The following UTRN variants were observed in gnomAD, a reference collection of about 807,000 sequenced individuals.
UTRN encodes the protein utrophin.
UTRN carries 283 observed loss-of-function variants against 463.9 expected under a neutral mutation model. The observed-to-expected ratio is 0.61, with a 90% CI of 0.55 to 0.67. The LOEUF is 0.67. UTRN is among the 30% of genes least tolerant of loss of function. UTRN has a pLI of 0.00. For synonymous variants in UTRN, 1,442 were observed against 1,431.5 expected (o/e 1.01, Z -0.17); for missense variants, 3,922 against 4,084.3 (o/e 0.96, Z 1.08).
chr6:144,415,004 G>A (rs561122503), intron 3 of UTRN, among the ~76,000 whole-genome samples: 3 of 152,312 alleles, frequency 2.0e-5, no homozygotes, highest in East Asian at 3.9e-4. Flanking sequence ...ATGAGCCACT[G>A]TATCCAGCCT....
intron 2 of UTRN, among the ~76,000 whole-genome samples, chr6:144,381,135 T>C (rs1780875916): frequency 6.6e-6 from 1 of 152,166 alleles, no homozygotes; most frequent in African/African-American, 2.4e-5. Flanking sequence ...TTAAGCCTAG[T>C]ATCCATTAGT....
intron 52 of UTRN, among the ~76,000 whole-genome samples, chr6:144,684,924 G>GAATT: frequency 6.6e-6 from 1 of 152,292 alleles, no homozygotes; most frequent in Non-Finnish European, 1.5e-5. Context: ...TTACAAGGAT[G>GAATT]AATTGTATAG....
chr6:144,816,417 G>A (rs1248994156), intron 65 of UTRN, among the ~76,000 whole-genome samples: 2 of 152,046 alleles, frequency 1.3e-5, no homozygotes, highest in Non-Finnish European at 1.5e-5. Flanking sequence ...GCCTGGAAGC[G>A]GCTTCTCGAA....
chr6:144,701,041 G>A (rs1444009987), intron 53 of UTRN, among the ~76,000 whole-genome samples: 1 of 152,106 alleles, frequency 6.6e-6, no homozygotes, highest in Non-Finnish European at 1.5e-5. Flanking sequence ...CAAGTAGCTG[G>A]GACTACAGGC....
chr6:144,344,979 G>T (rs1020917680), intron 2 of UTRN, among the ~76,000 whole-genome samples: 1 of 152,196 alleles, frequency 6.6e-6, no homozygotes, highest in East Asian at 1.9e-4. Context: ...GTATACATGT[G>T]TGTACTGGTT....
At chr6:144,339,061 A>G (rs1172272513) in intron 2 of UTRN, among the ~76,000 whole-genome samples, 1 of 152,224 alleles carries the variant, frequency 6.6e-6, no homozygotes, top group African/African-American at 2.4e-5. Flanking sequence ...CTTGTGCTAT[A>G]TAACTTTTCT....
chr6:144,689,917 G>A (rs1783146832), intron 52 of UTRN, among the ~76,000 whole-genome samples: 1 of 151,748 alleles, frequency 6.6e-6, no homozygotes, highest in Admixed American at 6.6e-5. Flanking sequence ...TGCTATCATG[G>A]AGTGAGTCAG....
intron 65 of UTRN, among the ~76,000 whole-genome samples, chr6:144,820,120 A>C (rs541644620): frequency 2.2e-3 from 337 of 151,844 alleles, no homozygotes; most frequent in African/African-American, 7.7e-3. Context: ...ATACAGTAGA[A>C]AACTGGGGCT....
intron 2 of UTRN, among the ~76,000 whole-genome samples, chr6:144,389,900 T>C (rs956322526): frequency 2.6e-5 from 4 of 152,094 alleles, no homozygotes; most frequent in Non-Finnish European, 5.9e-5. Flanking sequence ...TGCCCAGCCT[T>C]TCCTTCATTA....
chr6:144,617,038 C>T (rs1468387269), intron 51 of UTRN, among the ~76,000 whole-genome samples: 2 of 152,084 alleles, frequency 1.3e-5, no homozygotes, highest in Non-Finnish European at 2.9e-5. Flanking sequence ...GATTTTCAAG[C>T]AGAACTTGTG....
At chr6:144,398,448 A>G in intron 2 of UTRN, 1 of 365,538 alleles carries the variant, frequency 2.7e-6, no homozygotes, top group Non-Finnish European at 5.5e-6. Flanking sequence ...AACATCATGG[A>G]AGCATGTGCT....
rs1022226653 is a variant in UTRN at position 144,747,075 on chromosome 6, T to C, written c.7940-1171T>C. On this transcript the variant is annotated intron_variant, in intron 54 of 74. Transcript: ENST00000367545. ...TACACTGAGGATGAAAGTTACAGTT[T>C]AGGAGAGCTTGCTTCTGTGCATTTT... 2.6e-5 allele frequency among the ~76,000 whole-genome samples: 4 copies of C among 152,248 alleles called. 1 individual carries two copies. The highest frequency in any genetic ancestry group is 2.6e-4 in the Admixed American group (4 of 15,286).
At chr6:144,821,939 C>T (rs529321004) in intron 66 of UTRN, among the ~76,000 whole-genome samples, 73 of 152,166 alleles carry the variant, frequency 4.8e-4, no homozygotes, top group African/African-American at 1.5e-3. Context: ...CAGAGAAAGA[C>T]ACCGTCTCAG....
intron 46 of UTRN, among the ~76,000 whole-genome samples, chr6:144,547,059 A>G (rs762642867): frequency 1.1e-4 from 16 of 152,226 alleles, no homozygotes; most frequent in Non-Finnish European, 1.8e-4. Flanking sequence ...GCTGATGATA[A>G]TAGTGTAGGC....
At chr6:144,547,464 C>T (rs1239523418) in intron 46 of UTRN, among the ~76,000 whole-genome samples, 2 of 152,156 alleles carry the variant, frequency 1.3e-5, no homozygotes, top group Non-Finnish European at 2.9e-5. Flanking sequence ...TTATTTTTAA[C>T]TAACAATTTT....
At chr6:144,722,320 G>GTTT (rs35979217) in intron 53 of UTRN, among the ~76,000 whole-genome samples, 12,544 of 146,192 alleles carry the variant, frequency 0.086, 964 homozygotes, top group East Asian at 0.44. Context: ...CTTCCCTCCG[G>GTTT]TTTTTTTTTT....
intron 51 of UTRN, among the ~76,000 whole-genome samples, chr6:144,659,606 A>C (rs923098841): frequency 6.6e-6 from 1 of 152,148 alleles, no homozygotes; most frequent in African/African-American, 2.4e-5. Context: ...TGGGAGAGTG[A>C]GAACCGGTGG....
At chr6:144,626,488 C>T (rs1324852730) in intron 51 of UTRN, among the ~76,000 whole-genome samples, 2 of 152,174 alleles carry the variant, frequency 1.3e-5, no homozygotes, top group African/African-American at 4.8e-5. Flanking sequence ...AATTCTACTC[C>T]ACCTTCATGA....
Position 144,784,669 on chromosome 6 carries a change from T to C in UTRN, c.8834+2546T>C, listed in dbSNP as rs550930439. Among the ~76,000 whole-genome samples, 138 of 152,330 alleles carry C rather than the reference T, an allele frequency of 9.1e-4. 4 individuals are homozygous for C. In the South Asian group the frequency reaches 0.027, roughly 30 times the overall value. On this transcript the variant is annotated intron_variant, in intron 61 of 74. Coordinates refer to ENST00000367545, the MANE Select transcript of UTRN (RefSeq NM_007124.3). Reference sequence around the variant, plus strand: ...TCACTGGACAGCCCAAAGGGAATAGTGCCACTTGGTTGGGAGGAAGCAGTG... The same window carrying C: ...TCACTGGACAGCCCAAAGGGAATAGCGCCACTTGGTTGGGAGGAAGCAGTG...
Sources: gnomAD v4.1 joint callset for allele counts (sites outside exome capture counted in the v4.1 genomes callset) on GRCh38, gnomAD v4.1.1 for gene constraint, MANE v1.5 for transcripts, NCBI Gene and HGNC (gene_info 2026-07-23, HGNC 2026-07-21) for gene names.